ACVR2A: variants seen among roughly 807,000 people sequenced by gnomAD.
The protein encoded by ACVR2A is activin receptor type-2A.
In ACVR2A, 7 loss-of-function variants were observed where a neutral mutation model predicts 61.4. The ratio of observed to expected loss-of-function variants is 0.11; its 90% CI spans 0.06 to 0.21. ACVR2A has a LOEUF of 0.21. ACVR2A is among the 10% of genes least tolerant of loss of function. The probability of loss-of-function intolerance (pLI) is 1.00; values close to 1 mark genes in which losing one functional copy is unlikely to be tolerated. For synonymous variants in ACVR2A, 193 were observed against 208.3 expected, an observed-to-expected ratio of 0.93 and a Z score of 0.63; for missense variants, 322 against 621.7, an observed-to-expected ratio of 0.52 and a Z score of 5.13.
intron 2 of ACVR2A, 153 bp from the exon 3 acceptor site, chr2:147,899,305 A>C: frequency 4.1e-6 from 2 of 490,430 alleles, no homozygotes; most frequent in East Asian, 6.8e-5. Context: ...ATCCAGGAAC[A>C]TTTTTGGTTT....
intron 3 of ACVR2A, 39 bp from the exon 4 acceptor site, chr2:147,899,705 A>G (rs899991133): frequency 5.0e-6 from 8 of 1,606,544 alleles, no homozygotes; most frequent in Non-Finnish European, 6.8e-6. Context: ...AGAATTTTGT[A>G]GACCAAATCT....
chr2:147,893,651 C>CA (rs1169654919), intron 1 of ACVR2A, among the ~76,000 whole-genome samples: 14 of 151,796 alleles, frequency 9.2e-5, no homozygotes, highest in African/African-American at 2.9e-4. Context: ...TAGCTTTTTT[C>CA]AAAAAAAATT....
At chr2:147,846,240 A>G (rs1685311639) in intron 1 of ACVR2A, among the ~76,000 whole-genome samples, 1 of 152,042 alleles carries the variant, frequency 6.6e-6, no homozygotes, top group Middle Eastern at 3.4e-3. Flanking sequence ...TGTAAAATTT[A>G]ATATTCAGTT....
Position 147,863,312 on chromosome 2 carries a change from T to C in ACVR2A, c.55+18105T>C, listed in dbSNP as rs535685970. Among the ~76,000 whole-genome samples the C allele has an allele frequency of 9.8e-5, 15 of 152,286 alleles. No individual in the cohort carries two copies. In the South Asian group the frequency reaches 3.1e-3, roughly 32 times the overall value. ...AATTGAAGTGAATGATGGTCTACTA[T>C]GTTTCCTGTGGCTGATAATAGCAGA... On this transcript the variant is annotated intron_variant, in intron 1 of 10. Coordinates refer to ENST00000241416, the MANE Select transcript of ACVR2A (RefSeq NM_001616.5).
chr2:147,859,400 G>A (rs575975943), intron 1 of ACVR2A, among the ~76,000 whole-genome samples: 16 of 151,960 alleles, frequency 1.1e-4, no homozygotes, highest in Admixed American at 3.3e-4. Flanking sequence ...GGAGAAAGGT[G>A]GAGAGAAGAG....
rs1230160659 is a variant in ACVR2A, at chr2:147,929,411, A to ATGTT, written c.*2140_*2143dup. On this transcript the variant is annotated 3_prime_UTR_variant, in exon 11 of 11. Coordinates refer to ENST00000241416, the MANE Select transcript of ACVR2A (RefSeq NM_001616.5). ...AAATAAACAAGGGATATTATGATGA[A>ATGTT]TGTTTGGCTTATGTGAGTACTAGAG... 6.6e-6 allele frequency: 1 copy of ATGTT among 152,090 alleles called. No homozygotes were observed. The highest frequency in any genetic ancestry group is 1.9e-4 in the East Asian group (1 of 5,192). The allele number at this position is 152,090 out of a possible 1,614,324, so 9.4% of individuals were successfully genotyped here.
At chr2:147,846,012 A>C (rs1204174702) in intron 1 of ACVR2A, among the ~76,000 whole-genome samples, 10 of 152,192 alleles carry the variant, frequency 6.6e-5, no homozygotes, top group Admixed American at 6.5e-4. Context: ...TTTTAGCTCA[A>C]GGTTGGGGGA....
At chr2:147,885,688 T>G (rs1463195976) in intron 1 of ACVR2A, among the ~76,000 whole-genome samples, 1 of 152,112 alleles carries the variant, frequency 6.6e-6, no homozygotes, top group Non-Finnish European at 1.5e-5. Flanking sequence ...TAAAGATTAT[T>G]CACTTCATGA....
At chr2:147,889,441 T>G (rs557706412) in intron 1 of ACVR2A, among the ~76,000 whole-genome samples, 1 of 152,210 alleles carries the variant, frequency 6.6e-6, no homozygotes, top group Admixed American at 6.5e-5. Context: ...AGGTGAAAAT[T>G]TTCTCATAGA....
At chr2:147,882,313 G>A (rs1046346053) in intron 1 of ACVR2A, among the ~76,000 whole-genome samples, 3 of 152,220 alleles carry the variant, frequency 2.0e-5, no homozygotes, top group African/African-American at 7.2e-5. Flanking sequence ...CACTTTGGGA[G>A]GCCCAGTGGG....
At position 147,899,561 on chromosome 2, in the gene ACVR2A, A is replaced by G. The variant is rs1558807674; in HGVS notation, c.367A>G (p.Thr123Ala). Residue 123 changes from threonine (T) to alanine (A), a missense_variant, in exon 3 of 11, where the codon ACA becomes GCA. Thr to Ala is a moderately conservative substitution (Grantham distance 58). Coordinates refer to ENST00000241416, the MANE Select transcript of ACVR2A (RefSeq NM_001616.5). The stretch of plus-strand genomic sequence containing the variant: ...TTCTTATTTTCCGGAGATGGAAGTC[A>G]CACAGCGTAAGTTCACAGGGAAAAT... ...KFSYFPEMEV[T>A]QPTSNPVTPK... 6.2e-7 allele frequency: 1 copy of G among 1,612,176 alleles called. No individual in the cohort carries two copies. Among genetic ancestry groups the G allele is most frequent in the Non-Finnish European group, 8.5e-7 (1 of 1,178,696 alleles).
intron 4 of ACVR2A, among the ~76,000 whole-genome samples, chr2:147,912,807 C>A (rs964096295): frequency 6.6e-6 from 1 of 151,886 alleles, no homozygotes; most frequent in Non-Finnish European, 1.5e-5. Flanking sequence ...TTGAAAAGCT[C>A]ATGTCATTGC....
At chr2:147,890,831 A>G (rs976046887) in intron 1 of ACVR2A, among the ~76,000 whole-genome samples, 1 of 151,958 alleles carries the variant, frequency 6.6e-6, no homozygotes, top group Non-Finnish European at 1.5e-5. Context: ...ATGTTACTAT[A>G]TTGAGTTTTT....
chr2:147,874,749 A>G (rs1283909650), intron 1 of ACVR2A, among the ~76,000 whole-genome samples: 1 of 152,118 alleles, frequency 6.6e-6, no homozygotes, highest in African/African-American at 2.4e-5. Flanking sequence ...CACTGTGTTA[A>G]TCTAGAGTAG....
intron 9 of ACVR2A, among the ~76,000 whole-genome samples, chr2:147,924,491 G>A (rs1430743454): frequency 1.3e-5 from 2 of 151,960 alleles, no homozygotes; most frequent in African/African-American, 4.8e-5. Flanking sequence ...GTTTAGGGGA[G>A]AAATTGCTTT....
chr2:147,925,869 C>T (rs1002790339), intron 9 of ACVR2A, 162 bp from the exon 10 acceptor site: 15 of 631,500 alleles, frequency 2.4e-5, no homozygotes, highest in Non-Finnish European at 3.6e-5. Context: ...AGTTTGGTCA[C>T]ACTGTGGTAT....
Position 147,896,362 on chromosome 2 carries a change from A to C in ACVR2A, c.117A>C (p.Lys39Asn). 1.2e-6 allele frequency: 2 copies of C among 1,614,008 alleles called. No homozygotes were observed. Among genetic ancestry groups the C allele is most frequent in the Non-Finnish European group, 1.7e-6 (2 of 1,179,932 alleles). Reference sequence around the variant, plus strand: ...TTTTCTTTAATGCTAATTGGGAAAAAGACAGAACCAATCAAACTGGTGTTG... The same window carrying C: ...TTTTCTTTAATGCTAATTGGGAAAACGACAGAACCAATCAAACTGGTGTTG... ...ECLFFNANWE[K>N]DRTNQTGVEP... The change falls in exon 2 of 11, where the codon AAA becomes AAC. Residue 39 changes from lysine to asparagine, a missense_variant. Physicochemically the swap from Lys to Asn is moderately conservative, Grantham distance 94 (BLOSUM62 0). Transcript: ENST00000241416.
At chr2:147,918,697 T>G in intron 7 of ACVR2A, 105 bp downstream of exon 7, 1 of 958,534 alleles carries the variant, frequency 1.0e-6, no homozygotes, top group Non-Finnish European at 1.5e-6. Flanking sequence ...CAATCATGCT[T>G]TACAAGACAG....
intron 5 of ACVR2A, among the ~76,000 whole-genome samples, chr2:147,916,920 G>A (rs984045670): frequency 1.4e-4 from 22 of 151,884 alleles, no homozygotes; most frequent in African/African-American, 4.8e-4. Flanking sequence ...ATCTTTCAAG[G>A]AGATTATTCT....
Sources: allele counts gnomAD v4.1 joint callset (sites outside exome capture counted in the v4.1 genomes callset), GRCh38; gene constraint gnomAD v4.1.1; transcripts MANE v1.5; gene names NCBI Gene and HGNC (gene_info 2026-07-23, HGNC 2026-07-21).